Variants in RAB38 observed in about 807,000 individuals in gnomAD.
The protein encoded by RAB38 is ras-related protein Rab-38.
A neutral mutation model predicts 18.4 loss-of-function variants in RAB38; 15 were observed. The ratio of observed to expected loss-of-function variants is 0.82; its 90% confidence interval spans 0.55 to 1.26. The LOEUF (loss-of-function observed/expected upper bound fraction) is 1.26, where lower values mean the gene tolerates loss of function less well. Ranked by LOEUF, RAB38 falls within the 50% of genes most tolerant of loss-of-function variation. The pLI is 0.00. For synonymous variants in RAB38, 101 were observed against 104.4 expected, an observed-to-expected ratio of 0.97 and a Z score of 0.20; for missense variants, 294 against 267.4, an observed-to-expected ratio of 1.10 and a Z score of -0.69.
the RAB38 span, among the ~76,000 whole-genome samples, chr11:88,048,042 A>G: frequency 2.0e-3 from 304 of 152,298 alleles, no homozygotes; most frequent in Non-Finnish European, 3.1e-3. Flanking sequence ...TCCTCAAGGA[A>G]ATCACTTCTC....
chr11:88,029,743 A>C, the RAB38 span, among the ~76,000 whole-genome samples: 2 of 152,044 alleles, frequency 1.3e-5, no homozygotes, highest in Admixed American at 1.3e-4. Context: ...GTCCTGAGTG[A>C]CCTACAAAGA....
chr11:87,967,835 G>A, the RAB38 span, among the ~76,000 whole-genome samples: 7 of 152,248 alleles, frequency 4.6e-5, no homozygotes, highest in Admixed American at 3.9e-4. Flanking sequence ...GCTGAAGTCT[G>A]CCCAGTCTTT....
the RAB38 span, among the ~76,000 whole-genome samples, chr11:88,048,755 ACT>A: frequency 2.6e-5 from 4 of 151,958 alleles, no homozygotes; most frequent in Non-Finnish European, 5.9e-5. Flanking sequence ...GCCCATTTAC[ACT>A]GTTTCTCCAA....
At chr11:87,818,417 A>G in the RAB38 span, among the ~76,000 whole-genome samples, 1 of 152,130 alleles carries the variant, frequency 6.6e-6, no homozygotes, top group South Asian at 2.1e-4. Flanking sequence ...CTCCCAGGTA[A>G]GTATTTTTAT....
At chr11:87,890,459 G>C in the RAB38 span, among the ~76,000 whole-genome samples, 1 of 151,822 alleles carries the variant, frequency 6.6e-6, no homozygotes, top group Non-Finnish European at 1.5e-5. Context: ...TCACCTGCCA[G>C]AGTGACCATC....
the RAB38 span, among the ~76,000 whole-genome samples, chr11:88,012,298 ACTG>A: frequency 6.6e-6 from 1 of 152,162 alleles, no homozygotes; most frequent in Non-Finnish European, 1.5e-5. Context: ...TTGGAAGGAC[ACTG>A]GAGGAAGTAA....
At chr11:88,098,025 G>T in the RAB38 span, 1 of 151,904 alleles carries the variant, frequency 6.6e-6, no homozygotes, top group African/African-American at 2.4e-5. Context: ...TTATCAAGGG[G>T]AATGGTTAAA....
chr11:88,066,401 T>A, the RAB38 span, among the ~76,000 whole-genome samples: 1 of 151,980 alleles, frequency 6.6e-6, no homozygotes. Flanking sequence ...CTGCGTAGAG[T>A]TTTGTCCAAA....
the RAB38 span, among the ~76,000 whole-genome samples, chr11:87,866,712 GTAGT>G: frequency 4.4e-4 from 67 of 151,834 alleles, no homozygotes; most frequent in Middle Eastern, 3.4e-3. Flanking sequence ...GGGATAATAG[GTAGT>G]TAGTTATGGA....
the RAB38 span, among the ~76,000 whole-genome samples, chr11:87,927,971 G>A: frequency 7.2e-5 from 11 of 151,938 alleles, no homozygotes; most frequent in African/African-American, 2.2e-4. Context: ...TCAGGTACTC[G>A]GGAGGCTGAG....
At chr11:87,977,679 A>G in the RAB38 span, among the ~76,000 whole-genome samples, 7 of 117,890 alleles carry the variant, frequency 5.9e-5, no homozygotes, top group South Asian at 1.8e-3. Flanking sequence ...ATTATGTAAT[A>G]TATGTCATAT....
At chr11:88,004,007 G>T in the RAB38 span, among the ~76,000 whole-genome samples, 6 of 128,946 alleles carry the variant, frequency 4.7e-5, no homozygotes, top group Non-Finnish European at 6.5e-5. Flanking sequence ...ATATAAAAAA[G>T]GTATATGTAC....
chr11:87,906,852 T>C, the RAB38 span, among the ~76,000 whole-genome samples: 4 of 151,928 alleles, frequency 2.6e-5, no homozygotes, highest in Non-Finnish European at 4.4e-5. Context: ...ATCTTCAGTT[T>C]TGTTCCTTTT....
At chr11:87,812,131 A>T in the RAB38 span, among the ~76,000 whole-genome samples, 1 of 152,368 alleles carries the variant, frequency 6.6e-6, no homozygotes, top group East Asian at 1.9e-4. Flanking sequence ...ACATTTAGGA[A>T]TTAGTATCTC....
At chr11:87,848,115 C>A in the RAB38 span, among the ~76,000 whole-genome samples, 1 of 152,168 alleles carries the variant, frequency 6.6e-6, no homozygotes, top group African/African-American at 2.4e-5. Flanking sequence ...TCTAATCTAA[C>A]TTTGCTCCAT....
the RAB38 span, among the ~76,000 whole-genome samples, chr11:88,015,422 C>A: frequency 1.3e-5 from 2 of 152,094 alleles, no homozygotes; most frequent in Admixed American, 6.6e-5. Context: ...TTTTCTGAAT[C>A]TGTCTTGGTC....
the RAB38 span, among the ~76,000 whole-genome samples, chr11:88,085,213 C>CA: frequency 6.6e-6 from 1 of 151,884 alleles, no homozygotes; most frequent in Admixed American, 6.6e-5. Flanking sequence ...GGGTGAGAAC[C>CA]AACCTCATTC....
chr11:87,912,308 C>T, the RAB38 span, among the ~76,000 whole-genome samples: 1 of 151,734 alleles, frequency 6.6e-6, no homozygotes, highest in Non-Finnish European at 1.5e-5. Flanking sequence ...AGTAGAATTC[C>T]CCAGTGAAGA....
the RAB38 span, among the ~76,000 whole-genome samples, chr11:87,895,321 A>T: frequency 6.6e-6 from 1 of 151,660 alleles, no homozygotes; most frequent in Non-Finnish European, 1.5e-5. Flanking sequence ...TACAGTACAT[A>T]AATTGGAAAA....
Sources: allele counts gnomAD v4.1 joint callset (sites outside exome capture counted in the v4.1 genomes callset), GRCh38; gene constraint gnomAD v4.1.1; transcripts MANE v1.5; gene names NCBI Gene and HGNC (gene_info 2026-07-23, HGNC 2026-07-21).